The following NR5A2 variants were observed in gnomAD, a reference collection of about 807,000 sequenced individuals.
NR5A2 encodes nuclear receptor subfamily 5 group A member 2.
In NR5A2, 26 loss-of-function variants were observed where a neutral mutation model predicts 62.7. That is an observed-to-expected ratio of 0.41 (90% CI 0.30 to 0.58). NR5A2 has a LOEUF of 0.58. NR5A2 is among the 20% of genes least tolerant of loss of function. The pLI, the probability that NR5A2 is intolerant of heterozygous loss-of-function variation, is 0.22. For synonymous variants in NR5A2, 246 were observed against 241.7 expected, an observed-to-expected ratio of 1.02 and a Z score of -0.16; for missense variants, 541 against 669.1, an observed-to-expected ratio of 0.81 and a Z score of 2.11.
chr1:200,161,917 A>G (rs150741213), intron 7 of NR5A2, among the ~76,000 whole-genome samples: 4 of 152,208 alleles, frequency 2.6e-5, no homozygotes, highest in African/African-American at 9.7e-5. Context: ...GGTGTAGGAA[A>G]TAAGAAACAT....
At chr1:200,030,215 T>C (rs1002776573) in intron 1 of NR5A2, among the ~76,000 whole-genome samples, 8 of 152,188 alleles carry the variant, frequency 5.3e-5, no homozygotes, top group Non-Finnish European at 1.0e-4. Context: ...GCCCGGTGTA[T>C]GTAGACATCA....
chr1:200,038,558 C>A, intron 1 of NR5A2: 1 of 493,674 alleles, frequency 2.0e-6, no homozygotes, highest in Non-Finnish European at 3.8e-6. Flanking sequence ...CGCAGACCAA[C>A]TCTGCATGTA....
At position 200,052,099 on chromosome 1, in the gene NR5A2, G is replaced by A. The variant is rs192254702; in HGVS notation, c.1110+3281G>A. On this transcript the variant is annotated intron_variant, in intron 5 of 7. Coordinates refer to ENST00000367362, the MANE Select transcript of NR5A2 (RefSeq NM_205860.3). The stretch of plus-strand genomic sequence containing the variant: ...TCACGACTCACTAAATTGATTTCAC[G>A]GCCCATTAATGAGGCATGACCTGCA... Among the ~76,000 whole-genome samples the A allele has an allele frequency of 1.3e-3, 192 of 151,956 alleles. 1 individual carries two copies. The highest frequency in any genetic ancestry group is 4.5e-3 in the African/African-American group (186 of 41,424).
intron 5 of NR5A2, among the ~76,000 whole-genome samples, chr1:200,088,920 G>A (rs1664683031): frequency 6.6e-6 from 1 of 152,056 alleles, no homozygotes; most frequent in Non-Finnish European, 1.5e-5. Flanking sequence ...AATTCCTTCT[G>A]GCCCAGACTT....
chr1:200,174,169 A>G lies in NR5A2; in HGVS notation c.1585A>G (p.Asn529Asp), dbSNP rs1654316693. The change falls in exon 8 of 8, where the codon AAT (asparagine) becomes GAT (aspartate). Residue 529 changes from asparagine to aspartate, a missense_variant. Physicochemically the swap from Asn to Asp is conservative, Grantham distance 23. This residue lies in a region of NR5A2 where 379 missense variants were observed against 442.0 expected (regional missense o/e 0.86). Transcript: ENST00000367362. The part of the protein sequence containing the change: ...YKHLNGDVPY[N>D]NLLIEMLHAK... ...GCACCTGAACGGGGATGTGCCCTAT[A>G]ATAACCTTCTCATTGAAATGTTGCA... 4 of 1,611,778 alleles carry G rather than the reference A, an allele frequency of 2.5e-6. No individual in the cohort carries two copies. Among genetic ancestry groups the G allele is most frequent in the Non-Finnish European group, 3.4e-6 (4 of 1,178,620 alleles).
intron 7 of NR5A2, among the ~76,000 whole-genome samples, chr1:200,127,212 C>A (rs1000162927): frequency 6.6e-6 from 1 of 152,298 alleles, no homozygotes; most frequent in East Asian, 1.9e-4. Context: ...CTTTCCTCTT[C>A]GGAGACATTG....
intron 1 of NR5A2, chr1:200,038,753 G>A (rs2102143047): frequency 7.3e-7 from 1 of 1,365,538 alleles, no homozygotes; most frequent in African/African-American, 1.5e-5. Context: ...CGCTCAGACA[G>A]AGGTCGCTTC....
chr1:200,059,917 C>T (rs1052679886), intron 5 of NR5A2, among the ~76,000 whole-genome samples: 1 of 152,190 alleles, frequency 6.6e-6, no homozygotes, highest in African/African-American at 2.4e-5. Flanking sequence ...CCAAGAAAAC[C>T]ACCCACAGCC....
chr1:200,094,093 C>T (rs1037498889), intron 5 of NR5A2, among the ~76,000 whole-genome samples: 6 of 152,002 alleles, frequency 3.9e-5, no homozygotes, highest in Non-Finnish European at 7.4e-5. Flanking sequence ...CACTTGAACC[C>T]GGGAGGCGGA....
chr1:200,163,021 T>C (rs1262096195), intron 7 of NR5A2, among the ~76,000 whole-genome samples: 2 of 152,152 alleles, frequency 1.3e-5, no homozygotes, highest in African/African-American at 4.8e-5. Flanking sequence ...GGTGAAAGCA[T>C]TGAACACACT....
Position 200,147,684 on chromosome 1 carries a change from C to T in NR5A2, c.1379-26279C>T. 1 of 685,982 alleles carries T rather than the reference C, an allele frequency of 1.5e-6. No homozygotes were observed. The allele number at this position is 685,982 out of a possible 1,614,324, so 42.5% of individuals were successfully genotyped here. A position where few individuals can be genotyped will look rare whatever the true frequency, so the allele number is the denominator to read the frequency against. ...CGGACACGTGGAAGACATGGGTGGA[C>T]TTGGGCTCCGAGGCGATCTCCTCCA... On this transcript the variant is annotated intron_variant, in intron 7 of 7. Coordinates refer to ENST00000367362, the MANE Select transcript of NR5A2 (RefSeq NM_205860.3). This position sits in a 1 kb window ranked among gnomAD's most constrained non-coding sequence, Gnocchi z 4.9.
Position 200,175,926 on chromosome 1 carries a change from T to A in NR5A2, c.*1716T>A, listed in dbSNP as rs1451357249. On this transcript the variant is annotated 3_prime_UTR_variant, in exon 8 of 8. Transcript: ENST00000367362. ...AGTAGTGTATTTATATTGTATATCA[T>A]ACTTTCAACTGTAGACAATTATGAT... The A allele has an allele frequency of 1.3e-5, 2 of 152,658 alleles. No homozygotes were observed. The highest frequency in any genetic ancestry group is 2.9e-5 in the Non-Finnish European group (2 of 68,036). 9.5% of individuals were successfully genotyped at this position (152,658 alleles called of 1,614,324 possible).
chr1:200,072,736 A>G (rs1354716802), intron 5 of NR5A2, among the ~76,000 whole-genome samples: 1 of 152,212 alleles, frequency 6.6e-6, no homozygotes, highest in Non-Finnish European at 1.5e-5. Flanking sequence ...GCACAGAGTC[A>G]TGCTGCTTTC....
intron 7 of NR5A2, among the ~76,000 whole-genome samples, chr1:200,167,894 A>G (rs1653981081): frequency 6.6e-6 from 1 of 151,832 alleles, no homozygotes; most frequent in Admixed American, 6.6e-5. Flanking sequence ...TTCCCCAGGG[A>G]CCCCTCTTTT....
chr1:200,118,087 G>A (rs1558149756), intron 6 of NR5A2, among the ~76,000 whole-genome samples: 1 of 139,388 alleles, frequency 7.2e-6, no homozygotes, highest in Non-Finnish European at 1.5e-5. Flanking sequence ...TGCAATCTCA[G>A]TTCACCGCAA....
At chr1:200,113,315 C>A (rs944110553) in intron 6 of NR5A2, among the ~76,000 whole-genome samples, 2 of 152,166 alleles carry the variant, frequency 1.3e-5, no homozygotes, top group Non-Finnish European at 2.9e-5. Flanking sequence ...GTCAGAACCC[C>A]TCCCTTCACT....
chr1:200,118,878 G>T (rs1046274965), intron 6 of NR5A2, among the ~76,000 whole-genome samples: 2 of 152,208 alleles, frequency 1.3e-5, no homozygotes, highest in South Asian at 2.1e-4. Flanking sequence ...CCAGCTCAGG[G>T]TTCAGGTTGC....
intron 6 of NR5A2, among the ~76,000 whole-genome samples, chr1:200,118,978 C>T (rs1276681659): frequency 2.6e-5 from 4 of 152,190 alleles, no homozygotes; most frequent in African/African-American, 4.8e-5. Context: ...GCGTAGATGC[C>T]AGCACCTGGC....
At chr1:200,111,892 AAATT>A (rs1665971448) in intron 6 of NR5A2, among the ~76,000 whole-genome samples, 1 of 152,170 alleles carries the variant, frequency 6.6e-6, no homozygotes, top group Non-Finnish European at 1.5e-5. Context: ...CGATCAACAA[AAATT>A]TATTGAGCAT....
Sources: allele counts gnomAD v4.1 joint callset (sites outside exome capture counted in the v4.1 genomes callset), GRCh38; gene constraint gnomAD v4.1.1; regional missense constraint gnomAD v4.1.1; non-coding constraint Gnocchi (gnomAD v3.1); transcripts MANE v1.5; gene names NCBI Gene and HGNC (gene_info 2026-07-23, HGNC 2026-07-21).